TICAM2: variants seen among roughly 807,000 people sequenced by gnomAD.
TICAM2 encodes the protein TIR domain containing adaptor molecule 2, also known as TIR domain-containing adapter molecule 2.
In TICAM2, 8 loss-of-function variants were observed where a neutral mutation model predicts 7.3. That is an observed-to-expected ratio of 1.10 (90% CI 0.65 to 1.99). The LOEUF (loss-of-function observed/expected upper bound fraction) is 1.99. Among genes scored for constraint, TICAM2 ranks in the 30% most tolerant of loss-of-function variants. The probability of loss-of-function intolerance (pLI) is 0.00; values close to 1 mark genes in which losing one functional copy is unlikely to be tolerated. For missense variants in TICAM2, 304 were observed against 278.8 expected (o/e 1.09, Z -0.65); for synonymous variants, 113 against 99.6 (o/e 1.13, Z -0.80).
At chr5:115,582,338 G>GTT (rs78204537) in intron 1 of TICAM2, among the ~76,000 whole-genome samples, 16 of 128,818 alleles carry the variant, frequency 1.2e-4, no homozygotes, top group South Asian at 5.1e-4. Context: ...TTTTTTTTTG[G>GTT]TTTTTTTTTT....
intron 1 of TICAM2, among the ~76,000 whole-genome samples, chr5:115,589,765 C>T (rs1755235524): frequency 6.6e-6 from 1 of 152,176 alleles, no homozygotes; most frequent in South Asian, 2.1e-4. Flanking sequence ...TCATCATTCT[C>T]GCTAGACTGC....
intron 1 of TICAM2, among the ~76,000 whole-genome samples, chr5:115,599,886 A>G (rs1362190061): frequency 6.7e-6 from 1 of 148,878 alleles, no homozygotes; most frequent in Non-Finnish European, 1.5e-5. Flanking sequence ...TGTGATTCTG[A>G]TAAGAAGCCA....
chr5:115,586,343 C>T (rs1295856877), intron 1 of TICAM2, among the ~76,000 whole-genome samples: 1 of 151,118 alleles, frequency 6.6e-6, no homozygotes, highest in Non-Finnish European at 1.5e-5. Flanking sequence ...TTGTTAGTCA[C>T]TTCTACCCAT....
intron 1 of TICAM2, among the ~76,000 whole-genome samples, chr5:115,583,041 T>C (rs1332069051): frequency 2.6e-5 from 4 of 152,200 alleles, no homozygotes; most frequent in African/African-American, 9.6e-5. Flanking sequence ...TTCTAAGGCA[T>C]AATAACTCTA....
intron 1 of TICAM2, among the ~76,000 whole-genome samples, chr5:115,592,402 C>T (rs190676807): frequency 4.7e-4 from 72 of 152,276 alleles, no homozygotes; most frequent in African/African-American, 1.7e-3. Context: ...TGCAGGATTA[C>T]TACATAGGTA....
At chr5:115,599,103 T>C (rs533953909) in intron 1 of TICAM2, among the ~76,000 whole-genome samples, 1 of 151,954 alleles carries the variant, frequency 6.6e-6, no homozygotes, top group African/African-American at 2.4e-5. Context: ...TAATATCTTA[T>C]AAAATCTTCA....
At chr5:115,590,755 T>C (rs1279622374) in intron 1 of TICAM2, among the ~76,000 whole-genome samples, 2 of 152,256 alleles carry the variant, frequency 1.3e-5, no homozygotes, top group African/African-American at 4.8e-5. Flanking sequence ...ACTATCATCT[T>C]ACCTTTCTTT....
intron 1 of TICAM2, among the ~76,000 whole-genome samples, chr5:115,589,268 C>A (rs765271938): frequency 1.3e-5 from 2 of 152,174 alleles, no homozygotes; most frequent in Non-Finnish European, 2.9e-5. Flanking sequence ...AACTACAGCA[C>A]GGGAGTGTGC....
chr5:115,592,750 C>T lies in TICAM2; in HGVS notation c.-60+9347G>A, dbSNP rs80261066. Among the ~76,000 whole-genome samples, 557 of 152,136 alleles carry T rather than the reference C, an allele frequency of 3.7e-3. 2 individuals carry two copies. Among genetic ancestry groups the T allele is most frequent in the Non-Finnish European group, 4.6e-3 (315 of 67,968 alleles). The stretch of plus-strand genomic sequence containing the variant: ...TGATTATTACTTCAAAAATCACAAA[C>T]AAAATGTTAGAAAAATGGATCCTTT... On this transcript the variant is annotated intron_variant, in intron 1 of 1. Coordinates refer to ENST00000427199, the MANE Select transcript of TICAM2 (RefSeq NM_021649.7).
chr5:115,596,849 G>A (rs1300564699), intron 1 of TICAM2, among the ~76,000 whole-genome samples: 1 of 152,172 alleles, frequency 6.6e-6, no homozygotes, highest in African/African-American at 2.4e-5. Context: ...AACCTAGGAG[G>A]TGGAGCTTGC....
intron 1 of TICAM2, among the ~76,000 whole-genome samples, chr5:115,594,058 G>A (rs970086242): frequency 6.6e-6 from 1 of 152,146 alleles, no homozygotes; most frequent in Admixed American, 6.5e-5. Flanking sequence ...TCAAAAATAT[G>A]AGTATCATGC....
intron 1 of TICAM2, among the ~76,000 whole-genome samples, chr5:115,600,743 G>A (rs761748983): frequency 3.9e-5 from 6 of 152,154 alleles, no homozygotes; most frequent in Non-Finnish European, 8.8e-5. Flanking sequence ...AAAAGCCTCA[G>A]ATGAGAGGGG....
chr5:115,581,788 C>T, intron 1 of TICAM2: 1 of 156,596 alleles, frequency 6.4e-6, no homozygotes, highest in Non-Finnish European at 1.4e-5. Context: ...ACACAAATAT[C>T]CTAACAATGA....
chr5:115,592,435 T>G (rs1755343734), intron 1 of TICAM2, among the ~76,000 whole-genome samples: 1 of 152,234 alleles, frequency 6.6e-6, no homozygotes, highest in Admixed American at 6.5e-5. Flanking sequence ...GATGGTTTGC[T>G]GCACAGATCA....
At chr5:115,596,975 C>T (rs1337749415) in intron 1 of TICAM2, among the ~76,000 whole-genome samples, 1 of 152,122 alleles carries the variant, frequency 6.6e-6, no homozygotes, top group Non-Finnish European at 1.5e-5. Context: ...CATCACAGTC[C>T]TATATAAAAA....
In TICAM2 at chr5:115,580,613, TAC is replaced by T; in HGVS notation, c.642_643del (p.Tyr215Ter). ...TTTCCATATAGTTTGTTGTGTCTTATACACAGACTCCTGAAAAATTCTTTCTA... is the reference window on the plus strand; with the variant it reads ...TTTCCATATAGTTTGTTGTGTCTTATACAGACTCCTGAAAAATTCTTTCTA... On this transcript the variant is annotated frameshift_variant, in exon 2 of 2. Coordinates refer to ENST00000427199, the MANE Select transcript of TICAM2 (RefSeq NM_021649.7). LOFTEE classifies it low-confidence loss of function (END_TRUNC). 6.3e-7 allele frequency: 1 copy of T among 1,595,944 alleles called. No homozygotes were observed. The highest frequency in any genetic ancestry group is 1.1e-5 in the South Asian group (1 of 87,490).
intron 1 of TICAM2, among the ~76,000 whole-genome samples, chr5:115,590,529 T>A (rs186457373): frequency 2.6e-5 from 4 of 152,318 alleles, no homozygotes; most frequent in Admixed American, 6.5e-5. Context: ...TTTTCTAAAT[T>A]GAAGGGAAAT....
intron 1 of TICAM2, among the ~76,000 whole-genome samples, chr5:115,589,539 G>A (rs535581175): frequency 1.4e-4 from 21 of 152,282 alleles, no homozygotes; most frequent in African/African-American, 4.1e-4. Flanking sequence ...CAAAGGCCCA[G>A]CCTAAATAAA....
In TICAM2 at chr5:115,581,298, T is replaced by A. The variant is rs1218681108; in HGVS notation, c.-42A>T. 1 of 1,599,880 alleles carries A rather than the reference T, an allele frequency of 6.3e-7. No individual in the cohort carries two copies. Among genetic ancestry groups the A allele is most frequent in the Non-Finnish European group, 8.5e-7 (1 of 1,179,608 alleles). ...AGAAGAGGAAAACTTTATGTATTTC[T>A]CAGCATTTCTTTTCAATCTAAAAGA... On this transcript the variant is annotated 5_prime_UTR_variant, in exon 2 of 2. An upstream open reading frame in the 5' UTR gains an earlier in-frame stop. Transcript: ENST00000427199.
Sources: allele counts gnomAD v4.1 joint callset (sites outside exome capture counted in the v4.1 genomes callset), GRCh38; gene constraint gnomAD v4.1.1; transcripts MANE v1.5; gene names NCBI Gene and HGNC (gene_info 2026-07-23, HGNC 2026-07-21).